Variants in DOCK3 observed in about 807,000 individuals in gnomAD.
DOCK3 encodes the protein dedicator of cytokinesis protein 3.
Under a neutral mutation model 265.6 loss-of-function variants are expected in DOCK3, and 60 were observed. That is an observed-to-expected ratio of 0.23 (90% confidence interval 0.18 to 0.28). The LOEUF (loss-of-function observed/expected upper bound fraction) is 0.28, where lower values mean the gene tolerates loss of function less well. Among genes scored for constraint, DOCK3 ranks in the 10% least tolerant of loss-of-function variants. The probability of loss-of-function intolerance (pLI) is 1.00; values close to 1 mark genes in which losing one functional copy is unlikely to be tolerated. For missense variants in DOCK3, 1,981 were observed against 2,594.3 expected (o/e 0.76, Z 5.14); for synonymous variants, 881 against 938.0 (o/e 0.94, Z 1.11).
intron 29 of DOCK3, 103 bp from the exon 30 acceptor site, chr3:51,312,373 A>C: frequency 9.2e-7 from 1 of 1,087,954 alleles, no homozygotes; most frequent in Non-Finnish European, 1.3e-6. Flanking sequence ...TGAGGATCTT[A>C]AGATTGTAAA....
intron 27 of DOCK3, among the ~76,000 whole-genome samples, chr3:51,295,408 A>T (rs2082025994): frequency 6.6e-6 from 1 of 152,226 alleles, no homozygotes; most frequent in Non-Finnish European, 1.5e-5. Context: ...GAAGGCATTT[A>T]TCTATTCTTC....
At chr3:50,948,074 T>C (rs1220523139) in intron 5 of DOCK3, among the ~76,000 whole-genome samples, 2 of 145,474 alleles carry the variant, frequency 1.4e-5, no homozygotes, top group Non-Finnish European at 3.0e-5. Flanking sequence ...ATTATTATTT[T>C]GAGGCAGAGT....
chr3:51,366,965 G>A (rs2087236009), intron 49 of DOCK3, among the ~76,000 whole-genome samples: 2 of 152,192 alleles, frequency 1.3e-5, no homozygotes, highest in Non-Finnish European at 2.9e-5. Flanking sequence ...TGTATATTCT[G>A]TTGATTTGGG....
chr3:51,018,847 T>C (rs1192914838), intron 5 of DOCK3, among the ~76,000 whole-genome samples: 2 of 151,938 alleles, frequency 1.3e-5, no homozygotes, highest in Non-Finnish European at 2.9e-5. Flanking sequence ...GTTCAGTTTT[T>C]AAAAAATTAC....
At chr3:51,222,686 AT>A (rs1263745223) in intron 14 of DOCK3, among the ~76,000 whole-genome samples, 2 of 152,194 alleles carry the variant, frequency 1.3e-5, no homozygotes, top group African/African-American at 2.4e-5. Context: ...CCTGATGAAA[AT>A]AAACTGCTTC....
At chr3:51,075,545 G>C in intron 7 of DOCK3, 105 bp downstream of exon 7, 1 of 923,286 alleles carries the variant, frequency 1.1e-6, no homozygotes, top group East Asian at 2.7e-5. Context: ...ATTTGTTTTG[G>C]CCTCTTTCCC....
chr3:51,161,858 G>A (rs973356671), intron 12 of DOCK3, among the ~76,000 whole-genome samples: 22 of 152,132 alleles, frequency 1.4e-4, no homozygotes, highest in African/African-American at 4.6e-4. Flanking sequence ...ACTGGAGATC[G>A]ATAAGTCACA....
At chr3:50,822,242 G>C (rs1483030599) in intron 2 of DOCK3, among the ~76,000 whole-genome samples, 1 of 151,954 alleles carries the variant, frequency 6.6e-6, no homozygotes, top group Non-Finnish European at 1.5e-5. Flanking sequence ...TATATTCCTA[G>C]GTATTTTATT....
intron 1 of DOCK3, among the ~76,000 whole-genome samples, chr3:50,698,399 A>G (rs1487871121): frequency 6.7e-6 from 1 of 149,984 alleles, no homozygotes; most frequent in Admixed American, 6.6e-5. Context: ...GATATACTAT[A>G]TTTGTCCATT....
intron 5 of DOCK3, among the ~76,000 whole-genome samples, chr3:50,940,270 A>C (rs1465983461): frequency 1.4e-5 from 2 of 144,522 alleles, no homozygotes; most frequent in Non-Finnish European, 3.0e-5. Context: ...TGGGCAACAT[A>C]GCAAGATCCC....
chr3:51,150,083 C>T, intron 10 of DOCK3, among the ~76,000 whole-genome samples: 1 of 152,062 alleles, frequency 6.6e-6, no homozygotes, highest in Non-Finnish European at 1.5e-5. Flanking sequence ...TGTATGTGTC[C>T]AGGAATTTAT....
intron 2 of DOCK3, among the ~76,000 whole-genome samples, chr3:50,803,624 G>GC (rs1176305271): frequency 3.2e-5 from 4 of 123,570 alleles, no homozygotes; most frequent in African/African-American, 1.1e-4. Flanking sequence ...GGGCAGAGGG[G>GC]CCCCCCACCT....
chr3:51,369,535 T>C (rs2087518015), intron 49 of DOCK3, among the ~76,000 whole-genome samples: 1 of 152,064 alleles, frequency 6.6e-6, no homozygotes. Context: ...CCAAGAAATA[T>C]GGGACTATGT....
chr3:50,826,993 G>A (rs1428637089), intron 2 of DOCK3, among the ~76,000 whole-genome samples: 1 of 152,060 alleles, frequency 6.6e-6, no homozygotes, highest in Non-Finnish European at 1.5e-5. Flanking sequence ...TAAGGAGACG[G>A]GCTTCCAGAT....
intron 9 of DOCK3, among the ~76,000 whole-genome samples, chr3:51,121,084 G>T (rs773732406): frequency 1.3e-5 from 2 of 152,214 alleles, no homozygotes; most frequent in African/African-American, 2.4e-5. Flanking sequence ...CCAAACAGCC[G>T]CCCAGTTTTG....
chr3:51,201,735 C>T (rs1163363110), intron 12 of DOCK3, among the ~76,000 whole-genome samples: 4 of 152,168 alleles, frequency 2.6e-5, no homozygotes, highest in African/African-American at 9.7e-5. Context: ...TTCAGCACCA[C>T]ACCACACCTA....
chr3:51,145,686 C>T lies in DOCK3; in HGVS notation c.747-863C>T, dbSNP rs757513988. On this transcript the variant is annotated intron_variant, in intron 9 of 52. Coordinates refer to ENST00000266037, the MANE Select transcript of DOCK3 (RefSeq NM_004947.5). ...CAAGACAGTTCTTCTTCTTCCAATG[C>T]GACCCAGGGTAGCCAAAAGATTGGA... Among the ~76,000 whole-genome samples, 12 of 152,038 alleles carry T rather than the reference C, an allele frequency of 7.9e-5. No individual in the cohort carries two copies. In the South Asian group the frequency reaches 1.5e-3, roughly 18 times the overall value.
intron 43 of DOCK3, 134 bp from the exon 44 acceptor site, chr3:51,356,828 G>T: frequency 9.6e-7 from 1 of 1,043,424 alleles, no homozygotes; most frequent in East Asian, 2.6e-5. Flanking sequence ...GAAGTGGAAA[G>T]GGTCCAGGGA....
intron 9 of DOCK3, 62 bp from the exon 10 acceptor site, chr3:51,146,487 T>C (rs2085309580): frequency 8.6e-6 from 13 of 1,510,344 alleles, no homozygotes; most frequent in South Asian, 8.6e-5. Flanking sequence ...GTATCTGCCC[T>C]TTTTCTTTGT....
Sources: allele counts gnomAD v4.1 joint callset (sites outside exome capture counted in the v4.1 genomes callset), GRCh38; gene constraint gnomAD v4.1.1; transcripts MANE v1.5; gene names NCBI Gene and HGNC (gene_info 2026-07-23, HGNC 2026-07-21).